Variants in ATP6V0A1 observed in about 807,000 individuals in gnomAD.
The protein encoded by ATP6V0A1 is V-type proton ATPase 116 kDa subunit a 1.
ATP6V0A1 carries 43 observed loss-of-function variants against 105.4 expected under a neutral mutation model. The ratio of observed to expected loss-of-function variants is 0.41; its 90% CI spans 0.32 to 0.53. The LOEUF (loss-of-function observed/expected upper bound fraction) is 0.53, where lower values mean the gene tolerates loss of function less well. ATP6V0A1 is among the 20% of genes least tolerant of loss of function. The pLI, the probability that ATP6V0A1 is intolerant of heterozygous loss-of-function variation, is 0.30. For missense variants in ATP6V0A1, 676 were observed against 1,051.1 expected (o/e 0.64, Z 4.93); for synonymous variants, 362 against 372.8 (o/e 0.97, Z 0.33).
At chr17:42,513,784 C>A in intron 19 of ATP6V0A1, 77 bp from the exon 20 acceptor site, 2 of 1,406,366 alleles carry the variant, frequency 1.4e-6, no homozygotes, top group Non-Finnish European at 2.0e-6. Flanking sequence ...TTCAAAGCGC[C>A]AAGTAGCCAC....
intron 5 of ATP6V0A1, among the ~76,000 whole-genome samples, chr17:42,476,177 A>G (rs1163209058): frequency 1.3e-5 from 2 of 152,250 alleles, no homozygotes; most frequent in African/African-American, 2.4e-5. Flanking sequence ...GCCAGTGGTA[A>G]CTAGTGTCTC....
At chr17:42,504,438 C>T (rs1439731218) in intron 17 of ATP6V0A1, among the ~76,000 whole-genome samples, 1 of 152,132 alleles carries the variant, frequency 6.6e-6, no homozygotes, top group Non-Finnish European at 1.5e-5. Context: ...TCAGAAATGG[C>T]CTTCTACTTT....
chr17:42,520,780 A>G, intron 21 of ATP6V0A1: 1 of 499,312 alleles, frequency 2.0e-6, no homozygotes. Flanking sequence ...AGTTGTGCAT[A>G]AACACACTGC....
At chr17:42,497,146 T>C (rs2091257589) in intron 14 of ATP6V0A1, among the ~76,000 whole-genome samples, 1 of 149,746 alleles carries the variant, frequency 6.7e-6, no homozygotes, top group Admixed American at 6.7e-5. Flanking sequence ...CTACCAGAAG[T>C]ATAAAAATTG....
At chr17:42,459,855 A>G (rs956202415) in intron 1 of ATP6V0A1, among the ~76,000 whole-genome samples, 1 of 152,164 alleles carries the variant, frequency 6.6e-6, no homozygotes, top group African/African-American at 2.4e-5. Context: ...CAGAAGAGTA[A>G]ATCTTCCTTT....
At position 42,478,532 on chromosome 17, in the gene ATP6V0A1, G is replaced by C. The variant is rs1241960250; in HGVS notation, c.576G>C (p.Arg192=). ...AGCGCATGCTTTGGCGGGTATGCCG[G>C]GGAAATGTGTTCCTGCGACAGGCTG... ...TFERMLWRVC[R]GNVFLRQAEI... is the part of the protein sequence containing the mutation. The change falls in exon 7 of 22, where the codon CGG becomes CGC. Residue 192 remains arginine (R), a synonymous_variant. Transcript: ENST00000343619. 6.2e-7 allele frequency: 1 copy of C among 1,610,254 alleles called. No homozygotes were observed. Among genetic ancestry groups the C allele is most frequent in the Admixed American group, 1.7e-5 (1 of 59,774 alleles).
At chr17:42,460,284 TG>T (rs1273675188) in intron 1 of ATP6V0A1, 1 of 152,168 alleles carries the variant, frequency 6.6e-6, no homozygotes, top group Non-Finnish European at 1.5e-5. Flanking sequence ...AATTCCTAAG[TG>T]GGGAAATATT....
rs773309767 is a variant in ATP6V0A1, at chr17:42,477,747, G to C, written c.506+5G>C. On this transcript the variant is annotated splice_donor_5th_base_variant and intron_variant, in intron 6 of 21. Coordinates refer to ENST00000343619, the MANE Select transcript of ATP6V0A1 (RefSeq NM_001130021.3). Reference sequence around the variant, plus strand: ...AGGCACTCCTTTAAGACTTGGGTAAGTGCCATGTCAACTTTTCGGTATTCA... The same window carrying C: ...AGGCACTCCTTTAAGACTTGGGTAACTGCCATGTCAACTTTTCGGTATTCA... 1 of 1,609,820 alleles carries C rather than the reference G, an allele frequency of 6.2e-7. No homozygotes were observed. Among genetic ancestry groups the C allele is most frequent in the Non-Finnish European group, 8.5e-7 (1 of 1,176,652 alleles).
chr17:42,492,821 G>C (rs1181660123), intron 11 of ATP6V0A1, among the ~76,000 whole-genome samples: 1 of 151,360 alleles, frequency 6.6e-6, no homozygotes, highest in Non-Finnish European at 1.5e-5. Flanking sequence ...TTCGAGACCA[G>C]CCTGGCCAAC....
chr17:42,460,771 A>G, intron 1 of ATP6V0A1, 77 bp from the exon 2 acceptor site: 1 of 726,854 alleles, frequency 1.4e-6, no homozygotes, highest in Non-Finnish European at 2.4e-6. Context: ...TGTAAATGCA[A>G]GAGCCGTAGT....
chr17:42,478,117 A>G (rs886364384), intron 6 of ATP6V0A1, among the ~76,000 whole-genome samples: 3 of 150,680 alleles, frequency 2.0e-5, no homozygotes, highest in Admixed American at 6.6e-5. Flanking sequence ...AAGGACAAAA[A>G]ACCAAACACC....
At chr17:42,520,591 G>T (rs1212223763) in intron 21 of ATP6V0A1, 1 of 457,100 alleles carries the variant, frequency 2.2e-6, no homozygotes, top group African/African-American at 2.0e-5. Context: ...TCGCCCTTTT[G>T]CTCCCCCAAG....
At chr17:42,490,730 C>A (rs2090542824) in intron 11 of ATP6V0A1, 93 bp downstream of exon 11, 2 of 1,373,928 alleles carry the variant, frequency 1.5e-6, no homozygotes, top group Non-Finnish European at 9.9e-7. Context: ...CCTCTGTCAC[C>A]CAGGCTGGAG....
chr17:42,520,429 T>C (rs1438125474), intron 21 of ATP6V0A1: 7 of 456,376 alleles, frequency 1.5e-5, no homozygotes, highest in South Asian at 1.1e-4. Flanking sequence ...GGCTTTTTCT[T>C]TTTAGTCCCC....
At chr17:42,496,909 TAAAC>T (rs778114541) in intron 14 of ATP6V0A1, among the ~76,000 whole-genome samples, 1 of 151,990 alleles carries the variant, frequency 6.6e-6, no homozygotes, top group Non-Finnish European at 1.5e-5. Flanking sequence ...ATATATAAGA[TAAAC>T]AACCCAATTT....
chr17:42,476,243 G>A (rs2088722215), intron 5 of ATP6V0A1, among the ~76,000 whole-genome samples: 1 of 152,122 alleles, frequency 6.6e-6, no homozygotes. Flanking sequence ...TGCACTTCTG[G>A]TGTTGATCCT....
intron 5 of ATP6V0A1, chr17:42,471,421 CAAA>C (rs543931458): frequency 7.9e-5 from 7 of 88,276 alleles, no homozygotes; most frequent in Non-Finnish European, 1.1e-4. Context: ...GACTCTGTCT[CAAA>C]AAAAAAAAAA....
rs1223628476 is a variant in ATP6V0A1 at position 42,521,061 on chromosome 17, G to A, written c.2455G>A (p.Gly819Ser). The A allele has an allele frequency of 2.5e-6, 4 of 1,609,486 alleles. No individual in the cohort carries two copies. Among genetic ancestry groups the A allele is most frequent in the Middle Eastern group, 1.7e-4 (1 of 6,048 alleles). ...EFQNKFYSGTGFKFLPFSFEH... is the reference protein window; with the variant it reads ...EFQNKFYSGTSFKFLPFSFEH... Reference sequence around the variant, plus strand: ...CCAGAATAAATTCTACAGCGGGACCGGTTTCAAGTTCTTACCCTTCTCCTT... The same window carrying A: ...CCAGAATAAATTCTACAGCGGGACCAGTTTCAAGTTCTTACCCTTCTCCTT... The change falls in exon 22 of 22, where the codon GGT (glycine) becomes AGT (serine). Residue 819 changes from glycine (G) to serine (S), a missense_variant. This residue lies in a region of ATP6V0A1 where 435 missense variants were observed against 642.2 expected (regional missense o/e 0.68). Coordinates refer to ENST00000343619, the MANE Select transcript of ATP6V0A1 (RefSeq NM_001130021.3). This position sits in a 1 kb window ranked among gnomAD's most constrained non-coding sequence, Gnocchi z 4.8.
intron 15 of ATP6V0A1, among the ~76,000 whole-genome samples, chr17:42,499,702 T>G (rs915714356): frequency 6.6e-6 from 1 of 151,480 alleles, no homozygotes; most frequent in Non-Finnish European, 1.5e-5. Context: ...GCAGGAGAAT[T>G]GCTTGAACCC....
Sources: gnomAD v4.1 joint callset for allele counts (sites outside exome capture counted in the v4.1 genomes callset) on GRCh38, gnomAD v4.1.1 for gene constraint, gnomAD v4.1.1 regional missense constraint, Gnocchi (gnomAD v3.1) non-coding constraint, MANE v1.5 for transcripts, NCBI Gene and HGNC (gene_info 2026-07-23, HGNC 2026-07-21) for gene names.